The following SIK3 variants were observed in gnomAD, a reference collection of about 807,000 sequenced individuals.
SIK3 encodes SIK family kinase 3.
In SIK3, 28 loss-of-function variants were observed where a neutral mutation model predicts 144.2. The ratio of observed to expected loss-of-function variants is 0.19; its 90% CI spans 0.14 to 0.27. The LOEUF is 0.27. SIK3 is among the 10% of genes least tolerant of loss of function. The pLI, the probability that SIK3 is intolerant of heterozygous loss-of-function variation, is 1.00. For synonymous variants in SIK3, 686 were observed against 676.3 expected (o/e 1.01, Z -0.22); for missense variants, 1,319 against 1,776.0 (o/e 0.74, Z 4.62).
intron 21 of SIK3, among the ~76,000 whole-genome samples, chr11:116,855,983 G>A (rs1431179919): frequency 6.6e-6 from 1 of 152,102 alleles, no homozygotes; most frequent in Non-Finnish European, 1.5e-5. Flanking sequence ...GGATCACGAG[G>A]TCAGGAGATC....
chr11:117,030,464 T>A (rs1026557242), intron 1 of SIK3, among the ~76,000 whole-genome samples: 4 of 152,190 alleles, frequency 2.6e-5, no homozygotes, highest in Non-Finnish European at 4.4e-5. Context: ...ATAAAAATAC[T>A]CATGATATTG....
At chr11:116,983,471 A>C (rs1950220653) in intron 1 of SIK3, among the ~76,000 whole-genome samples, 1 of 152,088 alleles carries the variant, frequency 6.6e-6, no homozygotes, top group African/African-American at 2.4e-5. Flanking sequence ...CAGAAGTTGC[A>C]GTGAGCCGAG....
At chr11:116,972,090 A>C (rs954134148) in intron 1 of SIK3, among the ~76,000 whole-genome samples, 1 of 151,004 alleles carries the variant, frequency 6.6e-6, no homozygotes, top group Non-Finnish European at 1.5e-5. Flanking sequence ...CGGTCTCAAA[A>C]AAAAAAAAAA....
intron 1 of SIK3, among the ~76,000 whole-genome samples, chr11:116,981,088 T>A (rs1332495346): frequency 6.6e-6 from 1 of 152,216 alleles, no homozygotes; most frequent in Non-Finnish European, 1.5e-5. Flanking sequence ...TACCTGTCAA[T>A]CGATGCATAT....
chr11:117,070,018 A>G (rs965928669), intron 1 of SIK3, among the ~76,000 whole-genome samples: 5 of 152,252 alleles, frequency 3.3e-5, no homozygotes, highest in African/African-American at 9.6e-5. Flanking sequence ...AGGCATAGTG[A>G]TAGGGCATTT....
At chr11:117,055,170 T>TCTGGGGAG (rs1953455048) in intron 1 of SIK3, among the ~76,000 whole-genome samples, 1 of 152,176 alleles carries the variant, frequency 6.6e-6, no homozygotes, top group African/African-American at 2.4e-5. Context: ...GTTTAAGATA[T>TCTGGGGAG]CTGGGGAGGC....
chr11:116,930,495 A>T (rs1056866605), intron 3 of SIK3, among the ~76,000 whole-genome samples: 1 of 152,204 alleles, frequency 6.6e-6, no homozygotes, highest in Non-Finnish European at 1.5e-5. Flanking sequence ...ACCAGCCTGG[A>T]CTTAACACAT....
At chr11:116,907,133 T>C (rs1215401161) in intron 4 of SIK3, among the ~76,000 whole-genome samples, 2 of 152,230 alleles carry the variant, frequency 1.3e-5, no homozygotes, top group Non-Finnish European at 2.9e-5. Context: ...TTGTATTTAT[T>C]ACCTCATTGA....
At chr11:117,028,310 G>C (rs1952109853) in intron 1 of SIK3, among the ~76,000 whole-genome samples, 1 of 151,966 alleles carries the variant, frequency 6.6e-6, no homozygotes, top group African/African-American at 2.4e-5. Context: ...ATCTACTCAA[G>C]AAATATTTAT....
intron 1 of SIK3, among the ~76,000 whole-genome samples, chr11:117,000,261 G>T (rs1344232233): frequency 6.6e-6 from 1 of 152,144 alleles, no homozygotes; most frequent in East Asian, 1.9e-4. Flanking sequence ...CTAATGTTGG[G>T]CAAGATAACA....
At chr11:117,023,608 ACAAAAAAAAAAAAAT>A (rs1308481288) in intron 1 of SIK3, among the ~76,000 whole-genome samples, 1 of 47,700 alleles carries the variant, frequency 2.1e-5, no homozygotes, top group African/African-American at 1.2e-4. Flanking sequence ...AAACAAACAA[ACAAAAAAAAAAAAAT>A]ATATATATAT....
chr11:116,899,038 T>C (rs1945593310), intron 4 of SIK3, among the ~76,000 whole-genome samples: 1 of 151,706 alleles, frequency 6.6e-6, no homozygotes, highest in African/African-American at 2.4e-5. Flanking sequence ...AGACATGAAG[T>C]CCTTGCCCAT....
intron 1 of SIK3, among the ~76,000 whole-genome samples, chr11:116,970,400 G>C (rs1949724375): frequency 6.6e-6 from 1 of 152,066 alleles, no homozygotes; most frequent in Non-Finnish European, 1.5e-5. Flanking sequence ...AGTCCTAAGG[G>C]TTCATTCACA....
At chr11:116,915,558 A>G (rs1053712986) in intron 4 of SIK3, among the ~76,000 whole-genome samples, 2 of 150,558 alleles carry the variant, frequency 1.3e-5, no homozygotes, top group Non-Finnish European at 3.0e-5. Flanking sequence ...CAAACTGGAT[A>G]TAATATAGAT....
At chr11:117,016,640 C>T (rs1423013564) in intron 1 of SIK3, among the ~76,000 whole-genome samples, 1 of 151,958 alleles carries the variant, frequency 6.6e-6, no homozygotes, top group Non-Finnish European at 1.5e-5. Context: ...ACAGCAAGAC[C>T]CTGTCTCCGA....
intron 1 of SIK3, among the ~76,000 whole-genome samples, chr11:116,969,840 T>A (rs1262055979): frequency 6.6e-6 from 1 of 152,190 alleles, no homozygotes; most frequent in Non-Finnish European, 1.5e-5. Context: ...TGGAAATCAC[T>A]GTGACAGCAA....
intron 1 of SIK3, among the ~76,000 whole-genome samples, chr11:116,983,042 T>C (rs1231266513): frequency 6.6e-6 from 1 of 150,846 alleles, no homozygotes; most frequent in African/African-American, 2.4e-5. Context: ...TCATCATTCA[T>C]CTTATTTCAT....
intron 1 of SIK3, among the ~76,000 whole-genome samples, chr11:117,014,482 A>G (rs1203946754): frequency 6.6e-6 from 1 of 152,146 alleles, no homozygotes; most frequent in African/African-American, 2.4e-5. Context: ...ATTTCATTAC[A>G]ACATTAAAAT....
chr11:117,093,454 G>A (rs561679771), intron 1 of SIK3, among the ~76,000 whole-genome samples: 3 of 152,172 alleles, frequency 2.0e-5, no homozygotes, highest in South Asian at 2.1e-4. Flanking sequence ...GCTTGTGCAC[G>A]CAAGGGCAAA....
Sources: allele counts gnomAD v4.1 joint callset (sites outside exome capture counted in the v4.1 genomes callset), GRCh38; gene constraint gnomAD v4.1.1; transcripts MANE v1.5; gene names NCBI Gene and HGNC (gene_info 2026-07-23, HGNC 2026-07-21).